The following ITGB8 variants were observed in gnomAD, a reference collection of about 807,000 sequenced individuals.
ITGB8 encodes the protein integrin beta-8.
ITGB8 carries 30 observed loss-of-function variants against 89.5 expected under a neutral mutation model. The observed-to-expected ratio is 0.34, with a 90% CI of 0.25 to 0.45. ITGB8 has a LOEUF of 0.45. Ranked by LOEUF, ITGB8 falls within the 20% of genes least tolerant of loss-of-function variation. ITGB8 has a pLI of 1.00. For missense variants in ITGB8, 836 were observed against 933.3 expected, an observed-to-expected ratio of 0.90 and a Z score of 1.36; for synonymous variants, 335 against 320.4, an observed-to-expected ratio of 1.05 and a Z score of -0.49.
intron 6 of ITGB8, among the ~76,000 whole-genome samples, chr7:20,383,323 G>C (rs1190465438): frequency 6.6e-6 from 1 of 152,174 alleles, no homozygotes; most frequent in African/African-American, 2.4e-5. Context: ...AAGAATTGGA[G>C]TTATTCCAAT....
At chr7:20,390,431 C>A (rs1786808089) in intron 6 of ITGB8, among the ~76,000 whole-genome samples, 1 of 152,002 alleles carries the variant, frequency 6.6e-6, no homozygotes, top group South Asian at 2.1e-4. Context: ...CTATATAACT[C>A]TAGATAGTCA....
At chr7:20,336,727 C>T (rs917326471) in intron 1 of ITGB8, among the ~76,000 whole-genome samples, 4 of 152,224 alleles carry the variant, frequency 2.6e-5, no homozygotes, top group Admixed American at 2.6e-4. Flanking sequence ...CCTCATACAA[C>T]TTCCTCCCAG....
chr7:20,390,299 T>C (rs1471667456), intron 6 of ITGB8, among the ~76,000 whole-genome samples: 1 of 152,180 alleles, frequency 6.6e-6, no homozygotes, highest in Non-Finnish European at 1.5e-5. Context: ...GAGAGACTAC[T>C]GCCAGTGAAC....
intron 3 of ITGB8, among the ~76,000 whole-genome samples, chr7:20,374,248 G>T (rs1786044931): frequency 1.3e-5 from 2 of 151,960 alleles, no homozygotes; most frequent in Non-Finnish European, 2.9e-5. Context: ...TAAACATGTG[G>T]GCCCTTTAAA....
At chr7:20,398,174 T>A (rs1334396983) in intron 8 of ITGB8, among the ~76,000 whole-genome samples, 1 of 152,186 alleles carries the variant, frequency 6.6e-6, no homozygotes. Context: ...AATAAATGAA[T>A]GAATGGTTTT....
intron 12 of ITGB8, 88 bp from the exon 13 acceptor site, chr7:20,409,527 A>T: frequency 1.2e-6 from 1 of 805,414 alleles, no homozygotes; most frequent in Non-Finnish European, 1.9e-6. Context: ...TGGCACTATT[A>T]ATTGAAGTGT....
intron 1 of ITGB8, among the ~76,000 whole-genome samples, chr7:20,346,337 G>A (rs1325156250): frequency 6.6e-6 from 1 of 152,156 alleles, no homozygotes; most frequent in Admixed American, 6.5e-5. Flanking sequence ...GAATTTCAGA[G>A]GGCACAGGGG....
rs569397595 is a variant in ITGB8, at chr7:20,355,787, A to C, written c.128-7850A>C. Among the ~76,000 whole-genome samples the C allele has an allele frequency of 3.9e-5, 6 of 152,350 alleles. No individual in the cohort carries two copies. The East Asian group carries it at 1.2e-3, about 29-fold the overall frequency. ...AGGCTGGGCGACACTGCAAGAGAGT[A>C]GTATTTCCTGAAAGCGTAATTCAGG... On this transcript the variant is annotated intron_variant, in intron 1 of 13. Coordinates refer to ENST00000222573, the MANE Select transcript of ITGB8 (RefSeq NM_002214.3).
chr7:20,351,729 T>A (rs1785118899), intron 1 of ITGB8, among the ~76,000 whole-genome samples: 1 of 152,240 alleles, frequency 6.6e-6, no homozygotes, highest in South Asian at 2.1e-4. Context: ...TCTTACAATA[T>A]AGAGTGTTGC....
intron 1 of ITGB8, among the ~76,000 whole-genome samples, chr7:20,346,089 GGGA>G (rs1442258942): frequency 3.3e-5 from 5 of 152,130 alleles, no homozygotes; most frequent in African/African-American, 1.2e-4. Context: ...AGCTGGGGGT[GGGA>G]TGATTAGGGG....
Position 20,401,828 on chromosome 7 carries a change from A to G in ITGB8, c.1389A>G (p.Ile463Met). ...TTAATGAAACCGCTAAAATTCATAT[A>G]CACAGAAACTGCAGCTGTCAGTGTG... ...IGFNETAKIH[I>M]HRNCSCQCED... The change falls in exon 10 of 14, where the codon ATA becomes ATG. Residue 463 changes from isoleucine (I) to methionine (M), a missense_variant. By Grantham distance (10) the Ile-to-Met change is conservative (BLOSUM62 1). Around this residue, in one of 5 missense-constraint regions of ITGB8, gnomAD observed 422 missense variants for 416.9 expected, o/e 1.01. Transcript: ENST00000222573. 6.2e-7 allele frequency: 1 copy of G among 1,613,870 alleles called. No individual in the cohort carries two copies. Among genetic ancestry groups the G allele is most frequent in the Non-Finnish European group, 8.5e-7 (1 of 1,179,964 alleles).
chr7:20,348,299 A>G (rs1283917096), intron 1 of ITGB8, among the ~76,000 whole-genome samples: 1 of 152,200 alleles, frequency 6.6e-6, no homozygotes, highest in African/African-American at 2.4e-5. Context: ...AGGGAACCCA[A>G]TTCTTAATAG....
chr7:20,356,988 T>G (rs1467735480), intron 1 of ITGB8, among the ~76,000 whole-genome samples: 16 of 152,156 alleles, frequency 1.1e-4, no homozygotes, highest in Non-Finnish European at 2.4e-4. Context: ...AATACCTAAG[T>G]GGGTGTCATG....
intron 3 of ITGB8, among the ~76,000 whole-genome samples, chr7:20,370,798 G>C (rs1785904014): frequency 6.6e-6 from 1 of 152,010 alleles, no homozygotes; most frequent in African/African-American, 2.4e-5. Context: ...ATTTTTAGTA[G>C]AGACAGGGTT....
intron 7 of ITGB8, among the ~76,000 whole-genome samples, chr7:20,393,221 A>G (rs1285783919): frequency 2.0e-5 from 3 of 152,204 alleles, no homozygotes; most frequent in Non-Finnish European, 4.4e-5. Context: ...TCTTGGCAGC[A>G]TTATTGGCTC....
chr7:20,347,397 G>A (rs1784963761), intron 1 of ITGB8, among the ~76,000 whole-genome samples: 1 of 152,160 alleles, frequency 6.6e-6, no homozygotes, highest in Non-Finnish European at 1.5e-5. Flanking sequence ...GTTTGTAAGA[G>A]ATTCTGAGAA....
intron 5 of ITGB8, chr7:20,381,249 G>A (rs1230058705): frequency 2.2e-4 from 35 of 156,376 alleles, no homozygotes; most frequent in South Asian, 7.8e-4. Flanking sequence ...TGCAAGCTCC[G>A]CCTCCCGGGT....
chr7:20,336,000 CTTTTTTTTTTTT>C (rs201113693), intron 1 of ITGB8, among the ~76,000 whole-genome samples: 9 of 96,390 alleles, frequency 9.3e-5, no homozygotes, highest in Non-Finnish European at 5.7e-5. Flanking sequence ...TCTTGGTTTT[CTTTTTTTTTTTT>C]TTTTTTTTTT....
At chr7:20,380,472 T>C in intron 4 of ITGB8, 194 bp from the exon 5 acceptor site, 1 of 544,590 alleles carries the variant, frequency 1.8e-6, no homozygotes, top group Non-Finnish European at 3.2e-6. Flanking sequence ...TAGTCTTATT[T>C]CCTATTTGCA....
Sources: gnomAD v4.1 joint callset for allele counts (sites outside exome capture counted in the v4.1 genomes callset) on GRCh38, gnomAD v4.1.1 for gene constraint, gnomAD v4.1.1 regional missense constraint, MANE v1.5 for transcripts, NCBI Gene and HGNC (gene_info 2026-07-23, HGNC 2026-07-21) for gene names.